The following LRP1B variants were observed in gnomAD, a reference collection of about 807,000 sequenced individuals.
LRP1B encodes the protein low-density lipoprotein receptor-related protein 1B.
LRP1B carries 217 observed loss-of-function variants against 556.6 expected under a neutral mutation model. That is an observed-to-expected ratio of 0.39 (90% CI 0.35 to 0.44). LRP1B has a LOEUF of 0.44. Ranked by LOEUF, LRP1B falls within the 20% of genes least tolerant of loss-of-function variation. The pLI is 1.00. For missense variants in LRP1B, 5,053 were observed against 5,620.8 expected (o/e 0.90, Z 3.23); for synonymous variants, 2,047 against 1,865.8 (o/e 1.10, Z -2.50).
intron 1 of LRP1B, among the ~76,000 whole-genome samples, chr2:141,907,598 C>G (rs778723262): frequency 9.9e-5 from 15 of 151,744 alleles, no homozygotes; most frequent in African/African-American, 1.5e-4. Flanking sequence ...TTAATGTCAC[C>G]TAAGAGAAGC....
chr2:140,253,877 TG>T (rs930883285), intron 86 of LRP1B, among the ~76,000 whole-genome samples: 6 of 151,946 alleles, frequency 3.9e-5, no homozygotes, highest in Non-Finnish European at 5.9e-5. Flanking sequence ...GAGCTAAAGG[TG>T]GGAAGAAAAG....
At chr2:140,280,912 C>T (rs1036445732) in intron 84 of LRP1B, among the ~76,000 whole-genome samples, 61 of 151,836 alleles carry the variant, frequency 4.0e-4, no homozygotes, top group African/African-American at 1.4e-3. Context: ...ATTTTTATAA[C>T]CTCTGTTAGG....
chr2:141,169,848 G>A (rs954210439), intron 7 of LRP1B, among the ~76,000 whole-genome samples: 1 of 145,424 alleles, frequency 6.9e-6, no homozygotes, highest in Admixed American at 7.0e-5. Context: ...TGCTACTTTT[G>A]CTCATGATGT....
chr2:141,786,176 T>A (rs1394691861), intron 2 of LRP1B, among the ~76,000 whole-genome samples: 1 of 151,962 alleles, frequency 6.6e-6, no homozygotes, highest in African/African-American at 2.4e-5. Context: ...AAACAAATGG[T>A]ATAAATAAGT....
At chr2:140,987,580 C>T (rs1347770947) in intron 17 of LRP1B, among the ~76,000 whole-genome samples, 1 of 152,032 alleles carries the variant, frequency 6.6e-6, no homozygotes, top group African/African-American at 2.4e-5. Flanking sequence ...ATGAAGTAAA[C>T]ATGGTGTTAT....
chr2:141,001,659 C>A (rs983106954), intron 15 of LRP1B, among the ~76,000 whole-genome samples: 1 of 152,080 alleles, frequency 6.6e-6, no homozygotes, highest in Admixed American at 6.6e-5. Context: ...ACTATAAGGT[C>A]TGTAACTACC....
rs555334558 is a variant in LRP1B, at chr2:141,982,750, T to A, written c.82+147898A>T. Among the ~76,000 whole-genome samples, 6 of 152,314 alleles carry A rather than the reference T, an allele frequency of 3.9e-5. 1 individual carries two copies. Among genetic ancestry groups the A allele is most frequent in the African/African-American group, 1.4e-4 (6 of 41,580 alleles). On this transcript the variant is annotated intron_variant, in intron 1 of 90. Coordinates refer to ENST00000389484, the MANE Select transcript of LRP1B (RefSeq NM_018557.3). ...CACCTTAGTTATTCACATAACAGGA[T>A]CCTGTTTGCCTGAAAATAAAGTCAT...
chr2:141,666,413 T>C (rs1474265686), intron 2 of LRP1B, among the ~76,000 whole-genome samples: 2 of 152,192 alleles, frequency 1.3e-5, no homozygotes, highest in Non-Finnish European at 2.9e-5. Flanking sequence ...AAGAGACAGG[T>C]CTGGTTATGT....
At chr2:142,000,261 T>A (rs1025755792) in intron 1 of LRP1B, among the ~76,000 whole-genome samples, 1 of 152,104 alleles carries the variant, frequency 6.6e-6, no homozygotes, top group African/African-American at 2.4e-5. Flanking sequence ...GGCTCACCAT[T>A]GAATGGACTT....
chr2:140,890,377 T>A (rs1256762845), intron 23 of LRP1B, among the ~76,000 whole-genome samples: 1 of 152,190 alleles, frequency 6.6e-6, no homozygotes, highest in African/African-American at 2.4e-5. Context: ...TTATTCCCAC[T>A]ATTTTCAAAC....
At chr2:140,317,208 C>A (rs947949062) in intron 82 of LRP1B, among the ~76,000 whole-genome samples, 3 of 151,916 alleles carry the variant, frequency 2.0e-5, no homozygotes, top group African/African-American at 7.3e-5. Flanking sequence ...TAGACTCCAC[C>A]CCAAAGGTAA....
At chr2:140,918,636 C>T (rs1338639300) in intron 21 of LRP1B, among the ~76,000 whole-genome samples, 1 of 152,056 alleles carries the variant, frequency 6.6e-6, no homozygotes, top group African/African-American at 2.4e-5. Context: ...TGGTTTTGAA[C>T]CACATTTTTC....
At chr2:141,169,460 A>G (rs1680405413) in intron 7 of LRP1B, among the ~76,000 whole-genome samples, 1 of 151,922 alleles carries the variant, frequency 6.6e-6, no homozygotes, top group South Asian at 2.1e-4. Context: ...TCCACCAATG[A>G]CTTATATCAG....
At chr2:141,995,038 A>C (rs1222488296) in intron 1 of LRP1B, among the ~76,000 whole-genome samples, 2 of 152,154 alleles carry the variant, frequency 1.3e-5, no homozygotes, top group Non-Finnish European at 2.9e-5. Flanking sequence ...TTATGTTTGA[A>C]AATCCTTAGA....
chr2:140,723,179 T>C (rs973761406), intron 35 of LRP1B, among the ~76,000 whole-genome samples: 1 of 152,198 alleles, frequency 6.6e-6, no homozygotes, highest in African/African-American at 2.4e-5. Context: ...ATAAATATCA[T>C]GTGTATAAAA....
chr2:140,737,464 T>C (rs186423285), intron 35 of LRP1B, among the ~76,000 whole-genome samples: 37 of 152,334 alleles, frequency 2.4e-4, no homozygotes, highest in Non-Finnish European at 3.8e-4. Flanking sequence ...ATTCTGGCTC[T>C]TTGTGGGCTC....
intron 49 of LRP1B, among the ~76,000 whole-genome samples, chr2:140,519,027 C>T (rs527972930): frequency 6.6e-6 from 1 of 152,210 alleles, no homozygotes; most frequent in South Asian, 2.1e-4. Context: ...TAAAACTGGC[C>T]ATACTGCCCA....
At chr2:142,010,118 A>T (rs1702910727) in intron 1 of LRP1B, among the ~76,000 whole-genome samples, 1 of 152,162 alleles carries the variant, frequency 6.6e-6, no homozygotes, top group African/African-American at 2.4e-5. Context: ...GCAATGCCCA[A>T]AGATATCTAT....
At chr2:140,763,341 A>T (rs535409286) in intron 35 of LRP1B, among the ~76,000 whole-genome samples, 1 of 152,102 alleles carries the variant, frequency 6.6e-6, no homozygotes, top group Non-Finnish European at 1.5e-5. Context: ...ACCACTGAGG[A>T]GAAGCCTCAG....
Sources: gnomAD v4.1 joint callset for allele counts (sites outside exome capture counted in the v4.1 genomes callset) on GRCh38, gnomAD v4.1.1 for gene constraint, MANE v1.5 for transcripts, NCBI Gene and HGNC (gene_info 2026-07-23, HGNC 2026-07-21) for gene names.